SLC35F3: variants seen among roughly 807,000 people sequenced by gnomAD.
The protein encoded by SLC35F3 is putative thiamine transporter SLC35F3.
Under a neutral mutation model 49.9 loss-of-function variants are expected in SLC35F3, and 25 were observed. The observed-to-expected ratio is 0.50, with a 90% CI of 0.37 to 0.70. SLC35F3 has a LOEUF of 0.70. SLC35F3 is among the 30% of genes least tolerant of loss of function. The pLI is 0.00. For missense variants in SLC35F3, 525 were observed against 639.8 expected (o/e 0.82, Z 1.94); for synonymous variants, 275 against 265.4 (o/e 1.04, Z -0.35).
rs142449833 is a variant in SLC35F3, at chr1:234,072,379, A to T, written c.284-159038A>T. Reference sequence around the variant, plus strand: ...ATTGGGCCCTTAATTCACTCAACAGATACTTCCTGAGCACTCATCAGACAC... The same window carrying T: ...ATTGGGCCCTTAATTCACTCAACAGTTACTTCCTGAGCACTCATCAGACAC... On this transcript the variant is annotated intron_variant, in intron 2 of 7. Transcript: ENST00000366618. 3.1e-3 allele frequency among the ~76,000 whole-genome samples: 467 copies of T among 152,358 alleles called. 1 individual carries two copies. The highest frequency in any genetic ancestry group is 0.01 in the African/African-American group (428 of 41,572).
chr1:233,905,881 C>A, intron 2 of SLC35F3, 123 bp downstream of exon 2: 1 of 925,332 alleles, frequency 1.1e-6, no homozygotes, highest in Non-Finnish European at 1.6e-6. Context: ...CCTGCTGATA[C>A]AGACCCAGGT....
At position 234,318,738 on chromosome 1, in the gene SLC35F3, C is replaced by T; in HGVS notation, c.955-13C>T. 1 of 1,611,776 alleles carries T rather than the reference C, an allele frequency of 6.2e-7. No individual in the cohort carries two copies. Among genetic ancestry groups the T allele is most frequent in the Non-Finnish European group, 8.5e-7 (1 of 1,178,832 alleles). ...TGAGCCTTCACCCCGTCCTCCTCTGCTTTCTCCTACAGGTTTTGTTCAAGC... is the reference window on the plus strand; with the variant it reads ...TGAGCCTTCACCCCGTCCTCCTCTGTTTTCTCCTACAGGTTTTGTTCAAGC... On this transcript the variant is annotated splice_polypyrimidine_tract_variant and intron_variant, in intron 5 of 7. Coordinates refer to ENST00000366618, the MANE Select transcript of SLC35F3 (RefSeq NM_173508.4).
intron 2 of SLC35F3, among the ~76,000 whole-genome samples, chr1:234,129,588 T>C (rs557357184): frequency 1.3e-5 from 2 of 152,296 alleles, no homozygotes; most frequent in African/African-American, 4.8e-5. Context: ...GACAAACAGA[T>C]TCTGAATTGA....
intron 2 of SLC35F3, among the ~76,000 whole-genome samples, chr1:234,011,860 G>C (rs1163682390): frequency 6.6e-6 from 1 of 152,138 alleles, no homozygotes; most frequent in Non-Finnish European, 1.5e-5. Context: ...CATCAGGTGG[G>C]ATGAGAGACT....
chr1:234,154,369 C>A (rs1228005628), intron 2 of SLC35F3, among the ~76,000 whole-genome samples: 1 of 152,198 alleles, frequency 6.6e-6, no homozygotes, highest in East Asian at 1.9e-4. Context: ...AATATGAACT[C>A]ATAAAATATT....
chr1:234,256,780 C>T (rs530035249), intron 3 of SLC35F3, among the ~76,000 whole-genome samples: 9 of 152,360 alleles, frequency 5.9e-5, no homozygotes, highest in Admixed American at 5.9e-4. Context: ...TGTAAATATT[C>T]GTGACTGCTC....
chr1:234,004,678 G>C (rs1291645751), intron 2 of SLC35F3, among the ~76,000 whole-genome samples: 1 of 152,024 alleles, frequency 6.6e-6, no homozygotes, highest in South Asian at 2.1e-4. Context: ...TCTTCATAAA[G>C]GCAAACTGCT....
intron 3 of SLC35F3, among the ~76,000 whole-genome samples, chr1:234,296,340 C>A (rs1449665833): frequency 1.3e-5 from 2 of 151,926 alleles, no homozygotes; most frequent in South Asian, 2.1e-4. Flanking sequence ...TAGTGTGTAA[C>A]CTCACTGGGT....
chr1:234,063,789 A>G (rs1664578184), intron 2 of SLC35F3, among the ~76,000 whole-genome samples: 1 of 152,202 alleles, frequency 6.6e-6, no homozygotes, highest in Admixed American at 6.5e-5. Flanking sequence ...ACTGAGACCC[A>G]GCCTGCCACA....
At chr1:233,924,719 G>A (rs1662128445) in intron 2 of SLC35F3, among the ~76,000 whole-genome samples, 1 of 152,072 alleles carries the variant, frequency 6.6e-6, no homozygotes, top group South Asian at 2.1e-4. Flanking sequence ...TTTTAATTGT[G>A]ATGTTATGGT....
chr1:233,918,812 CTCTCTATA>C (rs1273516751), intron 2 of SLC35F3, among the ~76,000 whole-genome samples: 29 of 44,352 alleles, frequency 6.5e-4, no homozygotes, highest in South Asian at 3.3e-3. Flanking sequence ...CTCTCTCTCT[CTCTCTATA>C]TATATATATA....
intron 3 of SLC35F3, among the ~76,000 whole-genome samples, chr1:234,304,046 T>C (rs568314): frequency 0.28 from 6,680 of 24,100 alleles, 221 homozygotes; most frequent in African/African-American, 0.43. Flanking sequence ...TCCTTCCTTC[T>C]TTCTTTCCTT....
Position 234,214,684 on chromosome 1 carries a change from C to T in SLC35F3, c.284-16733C>T. Reference sequence around the variant, plus strand: ...GGCGCCGGGGCTGGGGGTACTGCTCCCCCAGGACGCGGCTCCGCAGTGCAG... The same window carrying T: ...GGCGCCGGGGCTGGGGGTACTGCTCTCCCAGGACGCGGCTCCGCAGTGCAG... On this transcript the variant is annotated intron_variant, in intron 2 of 7. Transcript: ENST00000366618. This position sits in a 1 kb window ranked among gnomAD's most constrained non-coding sequence, Gnocchi z 8.0. 3.7e-6 allele frequency: 5 copies of T among 1,365,742 alleles called. No homozygotes were observed. In the South Asian group the frequency reaches 6.5e-5, roughly 18 times the overall value. 84.6% of individuals were successfully genotyped at this position (1,365,742 alleles called of 1,614,324 possible). A position where few individuals can be genotyped will look rare whatever the true frequency, so the allele number is the denominator to read the frequency against.
At chr1:233,908,536 C>CTTTTTTTTTTTTTTTTTTTTTTT (rs898041195) in intron 2 of SLC35F3, among the ~76,000 whole-genome samples, 1 of 84,880 alleles carries the variant, frequency 1.2e-5, no homozygotes, top group Non-Finnish European at 2.3e-5. Flanking sequence ...GTAAAGGATT[C>CTTTTTTTTTTTTTTTTTTTTTTT]TTTTTTTTTT....
intron 2 of SLC35F3, among the ~76,000 whole-genome samples, chr1:234,091,988 A>G (rs1665049898): frequency 6.6e-6 from 1 of 152,196 alleles, no homozygotes; most frequent in Non-Finnish European, 1.5e-5. Flanking sequence ...TTGTCCCATG[A>G]AGGCCAAGCA....
rs537442186 is a variant in SLC35F3, at chr1:234,104,575, G to A, written c.284-126842G>A. Among the ~76,000 whole-genome samples, 46 of 152,224 alleles carry A rather than the reference G, an allele frequency of 3.0e-4. No individual in the cohort carries two copies. The East Asian group carries it at 8.5e-3, about 28-fold the overall frequency. ...TTCTTGAAACATCTGAATTCATTAA[G>A]ATGACCTGTAGCAAATATTTTCTTT... On this transcript the variant is annotated intron_variant, in intron 2 of 7. Transcript: ENST00000366618.
intron 2 of SLC35F3, among the ~76,000 whole-genome samples, chr1:234,166,064 T>C (rs1260058236): frequency 6.6e-6 from 1 of 152,204 alleles, no homozygotes; most frequent in East Asian, 1.9e-4. Flanking sequence ...TATTCCATGG[T>C]GTATATATAA....
chr1:234,144,341 G>A (rs1295213004), intron 2 of SLC35F3, among the ~76,000 whole-genome samples: 1 of 152,174 alleles, frequency 6.6e-6, no homozygotes, highest in African/African-American at 2.4e-5. Flanking sequence ...TAAATGCAAG[G>A]GGGTTAGGGA....
At chr1:234,291,178 C>T (rs982359642) in intron 3 of SLC35F3, among the ~76,000 whole-genome samples, 1 of 152,102 alleles carries the variant, frequency 6.6e-6, no homozygotes, top group African/African-American at 2.4e-5. Flanking sequence ...TCACTGTAGC[C>T]AAAAAAGCAA....
Sources: allele counts gnomAD v4.1 joint callset (sites outside exome capture counted in the v4.1 genomes callset), GRCh38; gene constraint gnomAD v4.1.1; non-coding constraint Gnocchi (gnomAD v3.1); transcripts MANE v1.5; gene names NCBI Gene and HGNC (gene_info 2026-07-23, HGNC 2026-07-21).